Variants in TRPC6 observed in about 807,000 individuals in gnomAD.
The protein encoded by TRPC6 is short transient receptor potential channel 6.
Under a neutral mutation model 90.7 loss-of-function variants are expected in TRPC6, and 55 were observed. The ratio of observed to expected loss-of-function variants is 0.61; its 90% CI spans 0.49 to 0.76. The LOEUF (loss-of-function observed/expected upper bound fraction) is 0.76. TRPC6 is among the 30% of genes least tolerant of loss of function. TRPC6 has a pLI of 0.00. For missense variants in TRPC6, 989 were observed against 1,122.7 expected (o/e 0.88, Z 1.70); for synonymous variants, 393 against 393.0 (o/e 1.00, Z 0.00).
intron 1 of TRPC6, among the ~76,000 whole-genome samples, chr11:101,530,947 G>T (rs1483582726): frequency 2.0e-5 from 3 of 152,174 alleles, no homozygotes; most frequent in Non-Finnish European, 4.4e-5. Flanking sequence ...GCCTGGGGGT[G>T]GGGGATATGG....
chr11:101,454,875 T>C, intron 11 of TRPC6, 143 bp downstream of exon 11: 2 of 619,838 alleles, frequency 3.2e-6, no homozygotes, highest in Non-Finnish European at 5.5e-6. Context: ...AAATGCCTGG[T>C]ACATGGTAAT....
intron 5 of TRPC6, among the ~76,000 whole-genome samples, chr11:101,478,439 A>G (rs1268055029): frequency 1.3e-5 from 2 of 152,074 alleles, no homozygotes; most frequent in East Asian, 3.9e-4. Context: ...GACTAAAGGG[A>G]CATTTGAACT....
At chr11:101,562,100 A>G (rs4501953) in intron 1 of TRPC6, among the ~76,000 whole-genome samples, 75,787 of 151,768 alleles carry the variant, frequency 0.5, 19,449 homozygotes, top group African/African-American at 0.6. Context: ...GAAACTAAAA[A>G]TTCAAACTAC....
At chr11:101,510,816 T>C (rs886970131) in intron 1 of TRPC6, among the ~76,000 whole-genome samples, 4 of 152,154 alleles carry the variant, frequency 2.6e-5, no homozygotes, top group Non-Finnish European at 4.4e-5. Flanking sequence ...GTCCACAGCA[T>C]GTGTAGTAAT....
chr11:101,462,469 G>T (rs1859028282), intron 10 of TRPC6, among the ~76,000 whole-genome samples: 1 of 152,082 alleles, frequency 6.6e-6, no homozygotes, highest in Admixed American at 6.5e-5. Flanking sequence ...ATTTGTTTAA[G>T]TCGTCTCTTA....
At chr11:101,463,676 G>T (rs765684479) in intron 10 of TRPC6, among the ~76,000 whole-genome samples, 1 of 151,994 alleles carries the variant, frequency 6.6e-6, no homozygotes, top group Non-Finnish European at 1.5e-5. Context: ...ATTTTTTATT[G>T]CATCTATTTG....
In TRPC6 at chr11:101,516,061, ATGTT is replaced by A. The variant is rs562351067; in HGVS notation, c.171-11267_171-11264del. ...ACAGGCATGGCATATATAAGGAAAA[ATGTT>A]TGGGGGCTTTTGTTTTCTGAATTTC... On this transcript the variant is annotated intron_variant, in intron 1 of 12. Transcript: ENST00000344327. Among the ~76,000 whole-genome samples, 7 of 149,492 alleles carry A rather than the reference ATGTT, an allele frequency of 4.7e-5. No homozygotes were observed. The East Asian group carries it at 1.4e-3, about 29-fold the overall frequency.
intron 1 of TRPC6, among the ~76,000 whole-genome samples, chr11:101,567,612 A>G (rs1283043235): frequency 6.6e-6 from 1 of 152,156 alleles, no homozygotes; most frequent in African/African-American, 2.4e-5. Context: ...CTCAAACAGG[A>G]GAGCTCTGGC....
rs1282911288 is a variant in TRPC6 at position 101,499,618 on chromosome 11, T to C, written c.945+4406A>G. On this transcript the variant is annotated intron_variant, in intron 2 of 12. Transcript: ENST00000344327. ...TATACGTATATATGGTATATATATA[T>C]ACACACACAATATAAAATGTGTATA... is the stretch of plus-strand genomic sequence containing the variant. Among the ~76,000 whole-genome samples the C allele has an allele frequency of 2.3e-5, 3 of 127,890 alleles. 1 individual carries two copies. Among genetic ancestry groups the C allele is most frequent in the African/African-American group, 9.0e-5 (3 of 33,382 alleles). 83.9% of individuals were successfully genotyped at this position (127,890 alleles called of 152,430 possible).
chr11:101,499,979 G>GTA (rs199873258), intron 2 of TRPC6, among the ~76,000 whole-genome samples: 1 of 67,452 alleles, frequency 1.5e-5, no homozygotes, highest in African/African-American at 7.9e-5. Context: ...TATAAAATGT[G>GTA]TATATATGTA....
chr11:101,469,212 A>G (rs914971078), intron 10 of TRPC6, among the ~76,000 whole-genome samples: 1 of 152,234 alleles, frequency 6.6e-6, no homozygotes, highest in African/African-American at 2.4e-5. Flanking sequence ...TGTGCTTAGT[A>G]TATGTCTTAA....
Position 101,525,892 on chromosome 11 carries a change from A to G in TRPC6, c.171-21094T>C, listed in dbSNP as rs138866735. Among the ~76,000 whole-genome samples, 716 of 152,326 alleles carry G rather than the reference A, an allele frequency of 4.7e-3. 8 individuals carry two copies. Among genetic ancestry groups the G allele is most frequent in the African/African-American group, 0.017 (691 of 41,572 alleles). On this transcript the variant is annotated intron_variant, in intron 1 of 12. Coordinates refer to ENST00000344327, the MANE Select transcript of TRPC6 (RefSeq NM_004621.6). ...ACAAGCCACAGTGGTGGCCTAAAGG[A>G]GGCATCGCCAGCAGGAACTAAGAGA...
intron 1 of TRPC6, among the ~76,000 whole-genome samples, chr11:101,551,675 T>C (rs1861453879): frequency 6.6e-6 from 1 of 152,152 alleles, no homozygotes; most frequent in East Asian, 1.9e-4. Flanking sequence ...TCAAAAACTT[T>C]CCTAAAATTC....
chr11:101,500,236 T>G (rs1860084338), intron 2 of TRPC6, among the ~76,000 whole-genome samples: 1 of 133,420 alleles, frequency 7.5e-6, no homozygotes, highest in African/African-American at 3.0e-5. Flanking sequence ...TGAGACGGAG[T>G]CTTGTTCTGT....
chr11:101,527,576 G>A (rs951570705), intron 1 of TRPC6, among the ~76,000 whole-genome samples: 1 of 152,062 alleles, frequency 6.6e-6, no homozygotes, highest in Non-Finnish European at 1.5e-5. Flanking sequence ...GTGCACACAT[G>A]CATGTTATTT....
intron 4 of TRPC6, among the ~76,000 whole-genome samples, chr11:101,488,301 CAT>C (rs1467825653): frequency 6.6e-6 from 1 of 152,176 alleles, no homozygotes; most frequent in Non-Finnish European, 1.5e-5. Flanking sequence ...TCCATCTGAA[CAT>C]AGCATTTTTA....
chr11:101,488,102 G>A (rs1308178732), intron 4 of TRPC6, among the ~76,000 whole-genome samples: 3 of 152,146 alleles, frequency 2.0e-5, no homozygotes, highest in Non-Finnish European at 4.4e-5. Context: ...TGGTCCAAAA[G>A]ACATTTAGGC....
chr11:101,511,803 C>A (rs1860399905), intron 1 of TRPC6, among the ~76,000 whole-genome samples: 1 of 151,942 alleles, frequency 6.6e-6, no homozygotes, highest in African/African-American at 2.4e-5. Flanking sequence ...ATCGGCCTGG[C>A]CAACATGGTG....
At chr11:101,536,061 C>T (rs1861038047) in intron 1 of TRPC6, among the ~76,000 whole-genome samples, 1 of 152,198 alleles carries the variant, frequency 6.6e-6, no homozygotes, top group Non-Finnish European at 1.5e-5. Flanking sequence ...CTTCATGGAA[C>T]TTCCATGTTG....
Sources: gnomAD v4.1 joint callset for allele counts (sites outside exome capture counted in the v4.1 genomes callset) on GRCh38, gnomAD v4.1.1 for gene constraint, MANE v1.5 for transcripts, NCBI Gene and HGNC (gene_info 2026-07-23, HGNC 2026-07-21) for gene names.